ABCA10: variants seen among roughly 807,000 people sequenced by gnomAD.
The protein encoded by ABCA10 is ATP binding cassette subfamily A member 10.
A neutral mutation model predicts 187.5 loss-of-function variants in ABCA10; 169 were observed. The ratio of observed to expected loss-of-function variants is 0.90; its 90% CI spans 0.80 to 1.02. The LOEUF is 1.02. Ranked by LOEUF, ABCA10 falls within the 50% of genes least tolerant of loss-of-function variation. The pLI is 0.00. For missense variants in ABCA10, 1,727 were observed against 1,812.4 expected, an observed-to-expected ratio of 0.95 and a Z score of 0.86; for synonymous variants, 574 against 601.8, an observed-to-expected ratio of 0.95 and a Z score of 0.68.
chr17:69,211,360 T>TACAC (rs1197088472), intron 9 of ABCA10, among the ~76,000 whole-genome samples: 8 of 30,476 alleles, frequency 2.6e-4, no homozygotes, highest in East Asian at 1.3e-3. Context: ...TATATATATA[T>TACAC]ACACACACAC....
intron 10 of ABCA10, among the ~76,000 whole-genome samples, chr17:69,199,787 CAA>C (rs965095372): frequency 6.6e-6 from 1 of 152,078 alleles, no homozygotes; most frequent in African/African-American, 2.4e-5. Context: ...TTCGGCCTGA[CAA>C]AAGAGGAAAT....
intron 27 of ABCA10, among the ~76,000 whole-genome samples, chr17:69,161,305 A>C (rs1461057534): frequency 6.6e-6 from 1 of 152,206 alleles, no homozygotes; most frequent in Non-Finnish European, 1.5e-5. Context: ...TACAAGATTA[A>C]AAGTTCTGGA....
intron 1 of ABCA10, among the ~76,000 whole-genome samples, chr17:69,239,373 C>T (rs1040261429): frequency 4.6e-5 from 7 of 152,160 alleles, no homozygotes; most frequent in Non-Finnish European, 1.0e-4. Context: ...GCAAAAGATA[C>T]ATATTTATAA....
At chr17:69,236,600 T>C (rs1266807504) in intron 1 of ABCA10, among the ~76,000 whole-genome samples, 4 of 152,204 alleles carry the variant, frequency 2.6e-5, no homozygotes, top group African/African-American at 9.6e-5. Flanking sequence ...TACTTGTGTA[T>C]GGAAAAACTA....
intron 11 of ABCA10, 147 bp downstream of exon 11, chr17:69,196,917 G>A (rs1043275077): frequency 8.4e-6 from 5 of 597,992 alleles, no homozygotes; most frequent in African/African-American, 1.9e-5. Flanking sequence ...GCAGGCACTC[G>A]GCAGGAGAAT....
chr17:69,226,436 T>C (rs1187807331), intron 2 of ABCA10, among the ~76,000 whole-genome samples: 2 of 152,080 alleles, frequency 1.3e-5, no homozygotes. Context: ...ATATAAATCC[T>C]GTTAGCTCCC....
At chr17:69,223,792 C>G in intron 3 of ABCA10, 1 of 325,910 alleles carries the variant, frequency 3.1e-6, no homozygotes, top group Non-Finnish European at 6.0e-6. Context: ...TAGAATAAGA[C>G]AGTGAGAGAG....
rs573122490 is a variant in ABCA10, at chr17:69,165,025, ATTAAG to A, written c.3216_3220del (p.Leu1073PhefsTer33). On this transcript the variant is annotated frameshift_variant, in exon 26 of 39. Coordinates refer to ENST00000690296, the MANE Select transcript of ABCA10 (RefSeq NM_001377321.1). LOFTEE classifies it high-confidence loss of function. The stretch of plus-strand genomic sequence containing the variant: ...GGAAGGTATGAAAATCATGCACAAA[ATTAAG>A]TTGAGTTTTTCATATTGAGTTGATA... 1.7e-5 allele frequency: 27 copies of A among 1,611,100 alleles called. No homozygotes were observed. The highest frequency in any genetic ancestry group is 1.2e-4 in the African/African-American group (9 of 74,980).
chr17:69,196,148 G>C (rs1035560880), intron 11 of ABCA10: 3 of 159,272 alleles, frequency 1.9e-5, no homozygotes, highest in African/African-American at 7.3e-5. Flanking sequence ...CCGGGCGGGG[G>C]CTGCCCCCCA....
chr17:69,201,586 G>C lies in ABCA10; in HGVS notation c.1089C>G (p.Ile363Met). Residue 363 changes from isoleucine (I) to methionine (M), a missense_variant, in exon 10 of 39, where the codon ATC (isoleucine) becomes ATG (methionine). By Grantham distance (10) the Ile-to-Met change is conservative. Coordinates refer to ENST00000690296, the MANE Select transcript of ABCA10 (RefSeq NM_001377321.1). ...WSKHQNTHHEIFENEINPEHS... is the reference protein window; with the variant it reads ...WSKHQNTHHEMFENEINPEHS... ...GCTCAGGATTTATTTCATTCTCAAA[G>C]ATTTCATGATGAGTATTTTGATGTT... is the stretch of plus-strand genomic sequence containing the variant. The C allele has an allele frequency of 6.2e-7, 1 of 1,612,860 alleles. No homozygotes were observed.
At chr17:69,210,224 C>T (rs1363295641) in intron 9 of ABCA10, among the ~76,000 whole-genome samples, 1 of 128,732 alleles carries the variant, frequency 7.8e-6, no homozygotes, top group Non-Finnish European at 1.5e-5. Flanking sequence ...GCTCTGTCGC[C>T]CAGGCCGGAC....
chr17:69,225,388 T>C lies in ABCA10; in HGVS notation c.-30A>G. On this transcript the variant is annotated 5_prime_UTR_variant, in exon 3 of 39. In the 5' UTR this introduces an upstream ATG that the reference lacks. Transcript: ENST00000690296. The stretch of plus-strand genomic sequence containing the variant: ...CTTTGTGTTATGTTACTGACTGGTG[T>C]ATATGCCACTACCAGGCCAGAGTCA... 1 of 1,611,542 alleles carries C rather than the reference T, an allele frequency of 6.2e-7. No homozygotes were observed.
chr17:69,178,166 A>G (rs4968846), intron 22 of ABCA10, among the ~76,000 whole-genome samples: 45,643 of 150,882 alleles, frequency 0.3, 8,656 homozygotes, highest in Non-Finnish European at 0.43. Flanking sequence ...GGAACAGATG[A>G]CACGTAGCTT....
In ABCA10 at chr17:69,193,951, T is replaced by TATTA; in HGVS notation, c.1383_1384insTAAT (p.Thr462Ter). 6.2e-7 allele frequency: 1 copy of TATTA among 1,609,498 alleles called. No individual in the cohort carries two copies. Among genetic ancestry groups the TATTA allele is most frequent in the Non-Finnish European group, 8.5e-7 (1 of 1,178,146 alleles). ...TTCTTTCTAATTTCTTCCATGTCAGTTATTTCAGAGAGTTGAGTATTATAA... is the reference window on the plus strand; with the variant it reads ...TTCTTTCTAATTTCTTCCATGTCAGTATTATATTTCAGAGAGTTGAGTATTATAA... On this transcript the variant is annotated stop_gained and frameshift_variant, in exon 13 of 39. Coordinates refer to ENST00000690296, the MANE Select transcript of ABCA10 (RefSeq NM_001377321.1). LOFTEE classifies it high-confidence loss of function.
chr17:69,171,859 A>AT (rs547648328), intron 25 of ABCA10, among the ~76,000 whole-genome samples: 8 of 148,368 alleles, frequency 5.4e-5, no homozygotes, highest in Non-Finnish European at 1.2e-4. Context: ...GTGAAAAAAG[A>AT]TTTTTTTTAA....
At chr17:69,238,764 G>A (rs2074887093) in intron 1 of ABCA10, among the ~76,000 whole-genome samples, 1 of 152,124 alleles carries the variant, frequency 6.6e-6, no homozygotes. Context: ...TCCTCCTAGG[G>A]ACCCAACTTC....
chr17:69,174,865 G>C (rs2074323405), intron 23 of ABCA10, 88 bp from the exon 24 acceptor site: 4 of 1,207,108 alleles, frequency 3.3e-6, no homozygotes, highest in Non-Finnish European at 4.5e-6. Flanking sequence ...ATAAATTTTA[G>C]AAATAGTATG....
intron 20 of ABCA10, among the ~76,000 whole-genome samples, chr17:69,183,820 T>C (rs1480860286): frequency 6.6e-6 from 1 of 152,072 alleles, no homozygotes; most frequent in Non-Finnish European, 1.5e-5. Context: ...AGCTGAACTT[T>C]GTAATAATTT....
In ABCA10 at chr17:69,191,209, T is replaced by G; in HGVS notation, c.1978A>C (p.Ser660Arg). The change falls in exon 17 of 39, where the codon AGT becomes CGT. Residue 660 changes from serine (S) to arginine (R), a missense_variant. By Grantham distance (110) the Ser-to-Arg change is moderately radical. Coordinates refer to ENST00000690296, the MANE Select transcript of ABCA10 (RefSeq NM_001377321.1). ...TTGTTCGTTTTTTCCAAAGGCAAAC[T>G]ATATACAAGTTTTTCTTCACTTTCT... is the stretch of plus-strand genomic sequence containing the variant. ...TTESEEKLVY[S>R]LPLEKTNKFP... is the part of the protein sequence containing the mutation. 10 of 1,599,346 alleles carry G rather than the reference T, an allele frequency of 6.3e-6. No individual in the cohort carries two copies. The highest frequency in any genetic ancestry group is 8.5e-6 in the Non-Finnish European group (10 of 1,172,026).
Sources: allele counts gnomAD v4.1 joint callset (sites outside exome capture counted in the v4.1 genomes callset), GRCh38; gene constraint gnomAD v4.1.1; transcripts MANE v1.5; gene names NCBI Gene and HGNC (gene_info 2026-07-23, HGNC 2026-07-21).